The following CNTN3 variants were observed in gnomAD, a reference collection of about 807,000 sequenced individuals.
CNTN3 encodes contactin 3, also known as contactin-3.
In CNTN3, 60 loss-of-function variants were observed where a neutral mutation model predicts 119.1. That is an observed-to-expected ratio of 0.50 (90% CI 0.41 to 0.62). The LOEUF is 0.62. CNTN3 is among the 20% of genes least tolerant of loss of function. The pLI is 0.00. For synonymous variants in CNTN3, 450 were observed against 438.7 expected (o/e 1.03, Z -0.32); for missense variants, 1,101 against 1,242.4 (o/e 0.89, Z 1.71).
intron 11 of CNTN3, among the ~76,000 whole-genome samples, chr3:74,344,518 C>T (rs901877415): frequency 1.4e-5 from 2 of 144,960 alleles, no homozygotes; most frequent in Non-Finnish European, 3.0e-5. Context: ...CTCCGCCTCC[C>T]GAGTTCACGC....
intron 1 of CNTN3, among the ~76,000 whole-genome samples, chr3:74,552,915 G>A (rs948178112): frequency 6.6e-6 from 1 of 152,136 alleles, no homozygotes; most frequent in Non-Finnish European, 1.5e-5. Context: ...ATGCAGAACT[G>A]TGAGTCAATT....
At chr3:74,377,265 A>G (rs1704501233) in intron 5 of CNTN3, among the ~76,000 whole-genome samples, 1 of 152,094 alleles carries the variant, frequency 6.6e-6, no homozygotes. Context: ...AGCTGCACTA[A>G]CTTTTCATTT....
chr3:74,549,015 A>G (rs1703951723), intron 1 of CNTN3, among the ~76,000 whole-genome samples: 1 of 152,208 alleles, frequency 6.6e-6, no homozygotes, highest in African/African-American at 2.4e-5. Context: ...TTGGTCCATT[A>G]TATGAACAAC....
intron 5 of CNTN3, 143 bp downstream of exon 5, chr3:74,424,702 A>G: frequency 1.4e-6 from 1 of 720,916 alleles, no homozygotes; most frequent in Non-Finnish European, 2.4e-6. Context: ...AGTGTTCCTC[A>G]TATTCCAACT....
intron 4 of CNTN3, among the ~76,000 whole-genome samples, chr3:74,437,856 CTG>C (rs1701897110): frequency 6.6e-6 from 1 of 152,068 alleles, no homozygotes; most frequent in Non-Finnish European, 1.5e-5. Context: ...TAGAAAATCT[CTG>C]TGCAAAGTAC....
At chr3:74,370,164 T>G (rs1230422383) in intron 6 of CNTN3, among the ~76,000 whole-genome samples, 173 bp from the exon 7 acceptor site, 4 of 152,126 alleles carry the variant, frequency 2.6e-5, no homozygotes, top group Admixed American at 2.6e-4. Flanking sequence ...CATCAAGTTG[T>G]TGATGAAACA....
At chr3:74,474,863 T>A (rs1470955500) in intron 4 of CNTN3, among the ~76,000 whole-genome samples, 1 of 152,090 alleles carries the variant, frequency 6.6e-6, no homozygotes, top group East Asian at 1.9e-4. Context: ...TGAGAGATCT[T>A]AAAAGTGTGT....
At chr3:74,589,782 A>C (rs1704666591) in intron 1 of CNTN3, among the ~76,000 whole-genome samples, 1 of 151,648 alleles carries the variant, frequency 6.6e-6, no homozygotes, top group Non-Finnish European at 1.5e-5. Flanking sequence ...CAGCCATAAA[A>C]AATGATGAGT....
intron 13 of CNTN3, among the ~76,000 whole-genome samples, chr3:74,330,126 C>T (rs905328588): frequency 6.6e-5 from 10 of 152,080 alleles, no homozygotes; most frequent in African/African-American, 1.4e-4. Flanking sequence ...GAGGCCAAGA[C>T]GGGCAGATCA....
At chr3:74,433,180 T>C (rs1484722616) in intron 4 of CNTN3, among the ~76,000 whole-genome samples, 3 of 152,148 alleles carry the variant, frequency 2.0e-5, no homozygotes. Flanking sequence ...ATTTGAAAGA[T>C]GGGAGTCGGG....
intron 1 of CNTN3, among the ~76,000 whole-genome samples, chr3:74,581,585 A>T (rs1370681631): frequency 6.6e-6 from 1 of 152,194 alleles, no homozygotes; most frequent in Non-Finnish European, 1.5e-5. Context: ...TTCATTTCGA[A>T]CTCCCAATAG....
At chr3:74,567,889 G>A (rs1016776871) in intron 1 of CNTN3, among the ~76,000 whole-genome samples, 5 of 152,086 alleles carry the variant, frequency 3.3e-5, no homozygotes, top group Non-Finnish European at 7.4e-5. Flanking sequence ...TTGAAAACTT[G>A]GTAATCTATG....
At chr3:74,494,408 T>C (rs1703022407) in intron 3 of CNTN3, among the ~76,000 whole-genome samples, 1 of 152,134 alleles carries the variant, frequency 6.6e-6, no homozygotes, top group Non-Finnish European at 1.5e-5. Flanking sequence ...CAGGATTAGC[T>C]TCATTTTTAT....
intron 19 of CNTN3, among the ~76,000 whole-genome samples, chr3:74,289,823 C>A (rs1416481111): frequency 6.6e-6 from 1 of 152,208 alleles, no homozygotes; most frequent in Non-Finnish European, 1.5e-5. Context: ...ATGTCAGATA[C>A]TACTCCAGGC....
chr3:74,441,883 T>G (rs1233641232), intron 4 of CNTN3, among the ~76,000 whole-genome samples: 4 of 152,188 alleles, frequency 2.6e-5, no homozygotes, highest in African/African-American at 7.2e-5. Context: ...GTTACCATTC[T>G]CATAGAAAAT....
intron 1 of CNTN3, among the ~76,000 whole-genome samples, chr3:74,522,240 G>T (rs937255800): frequency 6.6e-6 from 1 of 151,760 alleles, no homozygotes; most frequent in Non-Finnish European, 1.5e-5. Context: ...ATATTCTTAG[G>T]TGCCTGCAAT....
At chr3:74,338,957 AGT>A (rs1182545387) in intron 11 of CNTN3, among the ~76,000 whole-genome samples, 2 of 152,116 alleles carry the variant, frequency 1.3e-5, no homozygotes, top group Non-Finnish European at 2.9e-5. Context: ...CATTTTGTTG[AGT>A]GTGAAATGCC....
rs78767307 is a variant in CNTN3, at chr3:74,385,298, C to T, written c.455-13899G>A. ...CTTTAATGGTGGCTAGTAGACAGAA[C>T]ATAGAACATCTCTCCAAATTTCCTT... On this transcript the variant is annotated intron_variant, in intron 5 of 22. Transcript: ENST00000263665. Among the ~76,000 whole-genome samples, 864 of 152,268 alleles carry T rather than the reference C, an allele frequency of 5.7e-3. 5 individuals carry two copies. Among genetic ancestry groups the T allele is most frequent in the African/African-American group, 0.02 (811 of 41,540 alleles).
chr3:74,557,885 A>G (rs1704095218), intron 1 of CNTN3, among the ~76,000 whole-genome samples: 2 of 152,148 alleles, frequency 1.3e-5, no homozygotes, highest in Non-Finnish European at 2.9e-5. Flanking sequence ...CCAGGTAGAG[A>G]AACCAACAAG....
Sources: allele counts gnomAD v4.1 joint callset (sites outside exome capture counted in the v4.1 genomes callset), GRCh38; gene constraint gnomAD v4.1.1; transcripts MANE v1.5; gene names NCBI Gene and HGNC (gene_info 2026-07-23, HGNC 2026-07-21).